The following TRPM3 variants were observed in gnomAD, a reference collection of about 807,000 sequenced individuals.
TRPM3 encodes the protein transient receptor potential cation channel subfamily M member 3.
In TRPM3, 77 loss-of-function variants were observed where a neutral mutation model predicts 181.2. The observed-to-expected ratio is 0.42, with a 90% CI of 0.35 to 0.51. TRPM3 has a LOEUF of 0.51. TRPM3 is among the 20% of genes least tolerant of loss of function. The probability of loss-of-function intolerance (pLI) is 0.01; values close to 1 mark genes in which losing one functional copy is unlikely to be tolerated. For missense variants in TRPM3, 1,759 were observed against 2,196.7 expected, an observed-to-expected ratio of 0.80 and a Z score of 3.98; for synonymous variants, 745 against 796.4, an observed-to-expected ratio of 0.94 and a Z score of 1.09.
At chr9:71,049,494 A>G (rs1039110142) in intron 1 of TRPM3, among the ~76,000 whole-genome samples, 2 of 152,210 alleles carry the variant, frequency 1.3e-5, no homozygotes, top group African/African-American at 4.8e-5. Flanking sequence ...TTTAGATCTG[A>G]AAGCAACATT....
At chr9:71,043,440 T>A (rs1209662174) in intron 1 of TRPM3, among the ~76,000 whole-genome samples, 4 of 152,092 alleles carry the variant, frequency 2.6e-5, no homozygotes, top group African/African-American at 7.2e-5. Context: ...GTATAGAAAA[T>A]CCCTGAGTAC....
intron 9 of TRPM3, among the ~76,000 whole-genome samples, chr9:70,672,290 C>T: frequency 6.6e-6 from 1 of 152,134 alleles, no homozygotes; most frequent in East Asian, 1.9e-4. Flanking sequence ...CGGGACCTTT[C>T]TGTTGCAGTT....
chr9:71,091,090 C>T (rs1343455770), intron 1 of TRPM3, among the ~76,000 whole-genome samples: 1 of 151,992 alleles, frequency 6.6e-6, no homozygotes, highest in African/African-American at 2.4e-5. Flanking sequence ...AGCATTACTA[C>T]CTTTGGACTT....
chr9:71,191,874 T>C (rs1297329762), intron 1 of TRPM3, among the ~76,000 whole-genome samples: 1 of 151,484 alleles, frequency 6.6e-6, no homozygotes, highest in Non-Finnish European at 1.5e-5. Context: ...TTCAGGGTGA[T>C]GTCATATCTG....
chr9:70,964,310 G>A (rs2097165041), intron 1 of TRPM3, among the ~76,000 whole-genome samples: 1 of 152,030 alleles, frequency 6.6e-6, no homozygotes, highest in Non-Finnish European at 1.5e-5. Context: ...GAGGTTTTAG[G>A]TGAATGAATG....
At chr9:71,260,974 A>G (rs1038300265) in intron 1 of TRPM3, among the ~76,000 whole-genome samples, 1 of 152,040 alleles carries the variant, frequency 6.6e-6, no homozygotes, top group Non-Finnish European at 1.5e-5. Flanking sequence ...TCTGACGATT[A>G]TGTGTCTTGG....
chr9:70,771,771 G>A (rs2080318189), intron 7 of TRPM3, among the ~76,000 whole-genome samples: 1 of 152,132 alleles, frequency 6.6e-6, no homozygotes, highest in Admixed American at 6.5e-5. Context: ...AGGTGCAGAA[G>A]ACAGAGGCTT....
chr9:71,106,941 G>A (rs1861885), intron 1 of TRPM3, among the ~76,000 whole-genome samples: 2,168 of 152,282 alleles, frequency 0.014, 30 homozygotes, highest in Non-Finnish European at 0.023. Flanking sequence ...TGCAGTGGCT[G>A]AGCAATTCCC....
intron 1 of TRPM3, among the ~76,000 whole-genome samples, chr9:71,244,126 A>C (rs2081893967): frequency 6.6e-6 from 1 of 152,176 alleles, no homozygotes. Flanking sequence ...AAGTGGGAAC[A>C]AGGGCATTTA....
intron 1 of TRPM3, among the ~76,000 whole-genome samples, chr9:71,182,095 C>T (rs1356345365): frequency 6.6e-6 from 1 of 152,052 alleles, no homozygotes; most frequent in Non-Finnish European, 1.5e-5. Flanking sequence ...TTTTTATATG[C>T]ACTACATCTT....
At chr9:70,951,839 C>A (rs954077320) in intron 1 of TRPM3, among the ~76,000 whole-genome samples, 1 of 152,134 alleles carries the variant, frequency 6.6e-6, no homozygotes, top group East Asian at 1.9e-4. Flanking sequence ...AACAAAGAAG[C>A]CATATCGAGT....
intron 9 of TRPM3, among the ~76,000 whole-genome samples, chr9:70,650,621 C>T (rs1364750343): frequency 6.6e-6 from 1 of 151,982 alleles, no homozygotes; most frequent in Non-Finnish European, 1.5e-5. Context: ...TCTTTGGAGA[C>T]CAGTTATGCT....
chr9:70,609,655 T>C (rs144219861), intron 19 of TRPM3, among the ~76,000 whole-genome samples: 1 of 152,332 alleles, frequency 6.6e-6, no homozygotes, highest in African/African-American at 2.4e-5. Context: ...TAAATGTCAA[T>C]AGCACTGAAG....
chr9:71,187,923 ATAG>A (rs1565318608), intron 1 of TRPM3, among the ~76,000 whole-genome samples: 1 of 134,946 alleles, frequency 7.4e-6, no homozygotes, highest in Non-Finnish European at 1.6e-5. Flanking sequence ...AGATAGATAG[ATAG>A]ATAGATAGAT....
chr9:70,825,339 C>T (rs2093483516), intron 6 of TRPM3: 1 of 152,208 alleles, frequency 6.6e-6, no homozygotes, highest in Non-Finnish European at 1.5e-5. Flanking sequence ...TATAACTCTC[C>T]TCTTACCATT....
chr9:70,605,233 G>A (rs2060828589), intron 19 of TRPM3, among the ~76,000 whole-genome samples: 1 of 152,084 alleles, frequency 6.6e-6, no homozygotes, highest in African/African-American at 2.4e-5. Flanking sequence ...TGGGATTACA[G>A]GTGTGAGCCA....
intron 1 of TRPM3, among the ~76,000 whole-genome samples, chr9:70,960,698 C>T (rs572870460): frequency 3.3e-5 from 5 of 152,274 alleles, no homozygotes; most frequent in East Asian, 3.9e-4. Flanking sequence ...TGGGTGGGCA[C>T]GTGGGTACTT....
intron 1 of TRPM3, among the ~76,000 whole-genome samples, chr9:71,092,152 C>CTTAATAAGCACT (rs2066336595): frequency 6.6e-6 from 1 of 152,036 alleles, no homozygotes; most frequent in African/African-American, 2.4e-5. Context: ...TAAAATGAAA[C>CTTAATAAGCACT]AAATAGGAAT....
chr9:70,802,655 C>T (rs546881807), intron 6 of TRPM3, among the ~76,000 whole-genome samples: 8 of 152,084 alleles, frequency 5.3e-5, no homozygotes, highest in Non-Finnish European at 1.0e-4. Flanking sequence ...ATACAATAAG[C>T]ACTCTTATTA....
Sources: allele counts gnomAD v4.1 joint callset (sites outside exome capture counted in the v4.1 genomes callset), GRCh38; gene constraint gnomAD v4.1.1; transcripts MANE v1.5; gene names NCBI Gene and HGNC (gene_info 2026-07-23, HGNC 2026-07-21).